The following THADA variants were observed in gnomAD, a reference collection of about 807,000 sequenced individuals.
THADA encodes the protein THADA armadillo repeat containing.
Under a neutral mutation model 219.8 loss-of-function variants are expected in THADA, and 213 were observed. The ratio of observed to expected loss-of-function variants is 0.97; its 90% CI spans 0.87 to 1.09. The LOEUF is 1.09. Among genes scored for constraint, THADA ranks in the 50% least tolerant of loss-of-function variants. The pLI is 0.00. For synonymous variants in THADA, 1,018 were observed against 828.9 expected, an observed-to-expected ratio of 1.23 and a Z score of -3.92; for missense variants, 2,956 against 2,311.3, an observed-to-expected ratio of 1.28 and a Z score of -5.72.
At chr2:43,552,701 C>T (rs1251599072) in intron 17 of THADA, among the ~76,000 whole-genome samples, 3 of 152,018 alleles carry the variant, frequency 2.0e-5, no homozygotes. Flanking sequence ...AATTCATATG[C>T]CACAAAATTC....
intron 26 of THADA, among the ~76,000 whole-genome samples, chr2:43,446,760 T>C (rs1029345109): frequency 1.1e-4 from 17 of 152,198 alleles, no homozygotes; most frequent in Non-Finnish European, 2.5e-4. Context: ...GTGGAAAAGG[T>C]AATACTAAAT....
At chr2:43,456,425 G>A (rs1386559825) in intron 26 of THADA, among the ~76,000 whole-genome samples, 1 of 152,148 alleles carries the variant, frequency 6.6e-6, no homozygotes, top group East Asian at 1.9e-4. Flanking sequence ...TGGTGGGGTG[G>A]GAATGAGGAA....
intron 26 of THADA, among the ~76,000 whole-genome samples, chr2:43,459,529 G>C (rs1276611117): frequency 6.6e-6 from 1 of 152,118 alleles, no homozygotes; most frequent in Non-Finnish European, 1.5e-5. Flanking sequence ...TCTAGTAAGA[G>C]AAAACAGACT....
intron 35 of THADA, among the ~76,000 whole-genome samples, chr2:43,280,522 C>T (rs1486330400): frequency 1.3e-5 from 2 of 152,230 alleles, no homozygotes; most frequent in African/African-American, 2.4e-5. Flanking sequence ...TTCCCAGCTA[C>T]TTGGGAGGCT....
At chr2:43,392,099 C>T (rs1225247293) in intron 29 of THADA, among the ~76,000 whole-genome samples, 6 of 152,142 alleles carry the variant, frequency 3.9e-5, no homozygotes. Flanking sequence ...ATGGAGACGG[C>T]CAACATCTTA....
chr2:43,345,477 G>A lies in THADA; in HGVS notation c.4228-1240C>T, dbSNP rs970894149. Among the ~76,000 whole-genome samples, 6 of 152,232 alleles carry A rather than the reference G, an allele frequency of 3.9e-5. No individual in the cohort carries two copies. In the East Asian group the frequency reaches 1.2e-3, roughly 29 times the overall value. On this transcript the variant is annotated intron_variant, in intron 29 of 37. Coordinates refer to ENST00000405975, the MANE Select transcript of THADA (RefSeq NM_022065.5). ...GCACACAAGTCCCAATGTGGAGACTGAAAATGCTTTGTCTAATAATGGATC... is the reference window on the plus strand; with the variant it reads ...GCACACAAGTCCCAATGTGGAGACTAAAAATGCTTTGTCTAATAATGGATC...
intron 24 of THADA, among the ~76,000 whole-genome samples, chr2:43,504,229 ATGG>A (rs1196033511): frequency 6.6e-6 from 1 of 152,172 alleles, no homozygotes; most frequent in Non-Finnish European, 1.5e-5. Context: ...TCATTTTTGA[ATGG>A]TGATTAACAA....
In THADA at chr2:43,556,426, AG is replaced by A; in HGVS notation, c.2592del (p.Leu865CysfsTer5). On this transcript the variant is annotated frameshift_variant, in exon 17 of 38. Transcript: ENST00000405975. LOFTEE classifies it high-confidence loss of function. ...ACTTGCTGAGTTAAGTAGGCAGACA[AG>A]GATGACGGTAGAGCATCCTGCCAGA... ...FLIWQDALPS[S>X]LSAYLTQQVA... 1.9e-6 allele frequency: 3 copies of A among 1,613,906 alleles called. No individual in the cohort carries two copies. The highest frequency in any genetic ancestry group is 2.5e-6 in the Non-Finnish European group (3 of 1,179,836).
chr2:43,393,842 G>T (rs1673704085), intron 29 of THADA, among the ~76,000 whole-genome samples: 1 of 152,038 alleles, frequency 6.6e-6, no homozygotes, highest in African/African-American at 2.4e-5. Flanking sequence ...TATTTCAAAT[G>T]GTATACATTT....
chr2:43,295,015 T>C (rs1180005475), intron 31 of THADA, among the ~76,000 whole-genome samples: 1 of 152,124 alleles, frequency 6.6e-6, no homozygotes, highest in Non-Finnish European at 1.5e-5. Flanking sequence ...TCCCAACATT[T>C]TGGGAGCCCA....
intron 18 of THADA, 108 bp from the exon 19 acceptor site, chr2:43,552,033 A>T: frequency 6.5e-7 from 1 of 1,549,206 alleles, no homozygotes; most frequent in Non-Finnish European, 8.7e-7. Context: ...TTCAATACAT[A>T]AAACATGTGA....
chr2:43,453,530 G>T (rs1461607350), intron 26 of THADA, among the ~76,000 whole-genome samples: 1 of 152,192 alleles, frequency 6.6e-6, no homozygotes, highest in East Asian at 1.9e-4. Flanking sequence ...TCTGGCTCCT[G>T]GGGCTGGCAG....
chr2:43,263,438 G>A (rs568328645), intron 36 of THADA, among the ~76,000 whole-genome samples: 2 of 152,154 alleles, frequency 1.3e-5, no homozygotes, highest in Admixed American at 6.6e-5. Context: ...AAAGAACCCC[G>A]TGAGAAGAAA....
At chr2:43,359,017 T>A (rs868288473) in intron 29 of THADA, among the ~76,000 whole-genome samples, 4 of 152,048 alleles carry the variant, frequency 2.6e-5, no homozygotes, top group Non-Finnish European at 4.4e-5. Flanking sequence ...TCCCCCTCCA[T>A]CTAGTTTGTT....
chr2:43,539,538 A>G (rs148309845), intron 21 of THADA, among the ~76,000 whole-genome samples: 2 of 152,322 alleles, frequency 1.3e-5, no homozygotes, highest in Admixed American at 1.3e-4. Context: ...AGCAATACGA[A>G]GAATCAAGTT....
intron 29 of THADA, among the ~76,000 whole-genome samples, chr2:43,346,394 T>C (rs1667631058): frequency 6.6e-6 from 1 of 152,098 alleles, no homozygotes; most frequent in Non-Finnish European, 1.5e-5. Flanking sequence ...TTGATCAAGG[T>C]CAGACTCAGG....
chr2:43,515,875 G>T (rs913399995), intron 22 of THADA, among the ~76,000 whole-genome samples: 1 of 152,040 alleles, frequency 6.6e-6, no homozygotes, highest in Admixed American at 6.6e-5. Context: ...AGTTTCAATG[G>T]GGTGTCTACT....
chr2:43,591,144 G>A (rs1701523128), intron 3 of THADA, among the ~76,000 whole-genome samples, 190 bp from the exon 4 acceptor site: 2 of 151,906 alleles, frequency 1.3e-5, no homozygotes, highest in African/African-American at 4.8e-5. Context: ...GCAACATGGT[G>A]AAACCCTGTC....
intron 28 of THADA, 26 bp from the exon 29 acceptor site, chr2:43,398,165 C>A: frequency 6.2e-7 from 1 of 1,607,698 alleles, no homozygotes. Context: ...AACACAAGAC[C>A]ATTCAATAGT....
Sources: allele counts gnomAD v4.1 joint callset (sites outside exome capture counted in the v4.1 genomes callset), GRCh38; gene constraint gnomAD v4.1.1; transcripts MANE v1.5; gene names NCBI Gene and HGNC (gene_info 2026-07-23, HGNC 2026-07-21).